The following NLRP12 variants were observed in gnomAD, a reference collection of about 807,000 sequenced individuals.
NLRP12 encodes NLR family pyrin domain containing 12, also known as NACHT, LRR and PYD domains-containing protein 12.
A neutral mutation model predicts 91.2 loss-of-function variants in NLRP12; 108 were observed. The ratio of observed to expected loss-of-function variants is 1.18; its 90% CI spans 1.01 to 1.39. The LOEUF is 1.39. Ranked by LOEUF, NLRP12 falls within the 40% of genes most tolerant of loss-of-function variation. The probability of loss-of-function intolerance (pLI) is 0.00; values close to 1 mark genes in which losing one functional copy is unlikely to be tolerated. For synonymous variants in NLRP12, 613 were observed against 566.7 expected (o/e 1.08, Z -1.16); for missense variants, 1,530 against 1,352.7 (o/e 1.13, Z -2.06).
intron 9 of NLRP12, among the ~76,000 whole-genome samples, chr19:53,795,649 T>C (rs1057447700): frequency 5.3e-5 from 8 of 151,634 alleles, no homozygotes; most frequent in Non-Finnish European, 7.4e-5. Context: ...GCTGGGATTA[T>C]AGGTGTGAGC....
intron 1 of NLRP12, among the ~76,000 whole-genome samples, chr19:53,818,608 T>G (rs1399153023): frequency 6.6e-6 from 1 of 151,782 alleles, no homozygotes; most frequent in East Asian, 1.9e-4. Context: ...GAGGTTGCAG[T>G]GAGCCGAGAA....
intron 5 of NLRP12, 48 bp from the exon 6 acceptor site, chr19:53,804,170 G>A (rs2091918599): frequency 6.3e-7 from 1 of 1,592,252 alleles, no homozygotes; most frequent in East Asian, 2.2e-5. Flanking sequence ...GCTTTTCTAT[G>A]TCGTGATCAC....
rs1339537115 is a variant in NLRP12 at position 53,809,922 on chromosome 19, G to C, written c.1737C>G (p.Leu579=). Reference sequence around the variant, plus strand: ...TGATGTGCGGCGAGACCTTCCAGCAGAGACTCTTCTCCAGGTGGCTCCTGG... The same window carrying C: ...TGATGTGCGGCGAGACCTTCCAGCACAGACTCTTCTCCAGGTGGCTCCTGG... The part of the protein sequence containing the change: ...EETRSHLEKS[L]CWKVSPHIKM... Residue 579 remains leucine (L), a synonymous_variant, in exon 3 of 10, where the codon CTC becomes CTG. Transcript: ENST00000324134. 1 of 1,614,088 alleles carries C rather than the reference G, an allele frequency of 6.2e-7. No homozygotes were observed. Among genetic ancestry groups the C allele is most frequent in the Non-Finnish European group, 8.5e-7 (1 of 1,180,034 alleles).
At chr19:53,801,169 T>G in intron 7 of NLRP12, 58 bp downstream of exon 7, 14 of 1,530,672 alleles carry the variant, frequency 9.1e-6, no homozygotes, top group African/African-American at 1.4e-5. Flanking sequence ...TGGTCCCAGG[T>G]GAGAGGGCTG....
intron 3 of NLRP12, chr19:53,808,430 T>TA (rs1355906354): frequency 6.5e-6 from 1 of 153,658 alleles, no homozygotes; most frequent in Non-Finnish European, 1.4e-5. Flanking sequence ...GGTCCACCGA[T>TA]AAAAGGGATA....
chr19:53,807,631 C>A lies in NLRP12; in HGVS notation c.2107G>T (p.Glu703Ter). ...ERTVLLDAYSEHLAAALCTNP... is the reference protein window; with the variant it reads ...ERTVLLDAYS ...GTGCACAGGGCCGCTGCCAGATGTT[C>A]ACTGTAGGCGTCCAGCAGAACGGTC... Residue 703 changes from glutamate to a stop codon, truncating the protein, a stop_gained, in exon 4 of 10, where the codon GAA (glutamate) becomes TAA (stop). Coordinates refer to ENST00000324134, the MANE Select transcript of NLRP12 (RefSeq NM_144687.4). LOFTEE classifies it high-confidence loss of function. 1 of 1,614,184 alleles carries A rather than the reference C, an allele frequency of 6.2e-7. No homozygotes were observed. The highest frequency in any genetic ancestry group is 1.6e-4 in the Middle Eastern group (1 of 6,062).
At chr19:53,823,104 T>TACACACACATATATATACACATATATAC (rs1555799763) in intron 1 of NLRP12, among the ~76,000 whole-genome samples, 124,968 of 141,042 alleles carry the variant, frequency 0.89, 55,579 homozygotes, top group Non-Finnish European at 0.93. Context: ...CACACACATA[T>TACACACACATATATATACACATATATAC]ACACACACAT....
At chr19:53,794,956 CTTT>C (rs1028902622) in intron 9 of NLRP12, among the ~76,000 whole-genome samples, 2 of 151,826 alleles carry the variant, frequency 1.3e-5, no homozygotes. Flanking sequence ...CTGCCTTGGC[CTTT>C]TTTTTCTTGA....
intron 4 of NLRP12, among the ~76,000 whole-genome samples, chr19:53,806,861 A>C (rs2091967700): frequency 1.1e-5 from 1 of 87,114 alleles, no homozygotes; most frequent in African/African-American, 2.9e-5. Flanking sequence ...GTGTCTCAAA[A>C]ATTTAAAAAA....
intron 9 of NLRP12, among the ~76,000 whole-genome samples, chr19:53,795,112 G>A (rs558051839): frequency 7.1e-6 from 1 of 141,734 alleles, no homozygotes; most frequent in Non-Finnish European, 1.6e-5. Context: ...GTGTGCGTGT[G>A]TGTGTGTGTG....
At chr19:53,823,120 TACACATATATAC>T (rs532442453) in intron 1 of NLRP12, among the ~76,000 whole-genome samples, 191 of 149,142 alleles carry the variant, frequency 1.3e-3, no homozygotes, top group African/African-American at 4.4e-3. Flanking sequence ...CACATATATA[TACACATATATAC>T]ACATATATAT....
chr19:53,819,489 A>G (rs2092222440), intron 1 of NLRP12, among the ~76,000 whole-genome samples: 5 of 84,550 alleles, frequency 5.9e-5, no homozygotes, highest in African/African-American at 8.6e-5. Context: ...GTGTGTATAT[A>G]CATATGTGTA....
At chr19:53,813,941 G>C (rs889567852) in intron 2 of NLRP12, among the ~76,000 whole-genome samples, 1 of 151,890 alleles carries the variant, frequency 6.6e-6, no homozygotes, top group African/African-American at 2.4e-5. Context: ...AAAGTGCAGG[G>C]ATTACAGGCG....
At chr19:53,812,125 G>A (rs1234258312) in intron 2 of NLRP12, among the ~76,000 whole-genome samples, 1 of 150,790 alleles carries the variant, frequency 6.6e-6, no homozygotes, top group Non-Finnish European at 1.5e-5. Flanking sequence ...TGGGAGCAGT[G>A]CTTCTCAAAC....
chr19:53,823,464 T>A (rs1395195428), intron 1 of NLRP12, among the ~76,000 whole-genome samples: 33 of 116,736 alleles, frequency 2.8e-4, no homozygotes, highest in African/African-American at 6.0e-4. Flanking sequence ...ATATTTTAAA[T>A]ATATATTTAA....
At chr19:53,815,309 A>G (rs1427105218) in intron 1 of NLRP12, among the ~76,000 whole-genome samples, 1 of 138,084 alleles carries the variant, frequency 7.2e-6, no homozygotes, top group Admixed American at 7.8e-5. Flanking sequence ...GCTCACCACA[A>G]CCTCCACCTC....
At position 53,807,641 on chromosome 19, in the gene NLRP12, G is replaced by A. The variant is rs756533773; in HGVS notation, c.2097C>T (p.Asp699=). The A allele has an allele frequency of 1.6e-5, 26 of 1,614,010 alleles. No individual in the cohort carries two copies. The highest frequency in any genetic ancestry group is 7.7e-5 in the South Asian group (7 of 91,090). Residue 699 remains aspartate, a synonymous_variant, in exon 4 of 10, where the codon GAC becomes GAT. Transcript: ENST00000324134. ...VQLPERTVLL[D]AYSEHLAAAL... ...CCGCTGCCAGATGTTCACTGTAGGC[G>A]TCCAGCAGAACGGTCCTCTCTGGTC...
chr19:53,807,529 G>C lies in NLRP12; in HGVS notation c.2209C>G (p.Leu737Val). ...SRGVKLLCQGLRHPNCKLQNL... is the reference protein window; with the variant it reads ...SRGVKLLCQGVRHPNCKLQNL... Reference sequence around the variant, plus strand: ...TGAAGTTTGCAGTTGGGGTGTCTGAGTCCTTGACAGAGCAGCTTCACCCCC... The same window carrying C: ...TGAAGTTTGCAGTTGGGGTGTCTGACTCCTTGACAGAGCAGCTTCACCCCC... The change falls in exon 4 of 10, where the codon CTC becomes GTC. Residue 737 changes from leucine (L) to valine (V), a missense_variant. By Grantham distance (32) the Leu-to-Val change is conservative (BLOSUM62 1). Coordinates refer to ENST00000324134, the MANE Select transcript of NLRP12 (RefSeq NM_144687.4). The C allele has an allele frequency of 6.2e-7, 1 of 1,614,144 alleles. No individual in the cohort carries two copies. Among genetic ancestry groups the C allele is most frequent in the Non-Finnish European group, 8.5e-7 (1 of 1,180,024 alleles).
intron 1 of NLRP12, among the ~76,000 whole-genome samples, chr19:53,821,126 C>G (rs1359162243): frequency 6.7e-6 from 1 of 149,850 alleles, no homozygotes; most frequent in Non-Finnish European, 1.5e-5. Flanking sequence ...ACCTCCACCG[C>G]CTGGGTTCAA....
Sources: allele counts gnomAD v4.1 joint callset (sites outside exome capture counted in the v4.1 genomes callset), GRCh38; gene constraint gnomAD v4.1.1; transcripts MANE v1.5; gene names NCBI Gene and HGNC (gene_info 2026-07-23, HGNC 2026-07-21).